Variants in PIWIL1 observed in about 807,000 individuals in gnomAD.
PIWIL1 encodes piwi like RNA-mediated gene silencing 1, also known as piwi-like protein 1.
A neutral mutation model predicts 114.4 loss-of-function variants in PIWIL1; 73 were observed. The ratio of observed to expected loss-of-function variants is 0.64; its 90% CI spans 0.53 to 0.78. PIWIL1 has a LOEUF of 0.78. Ranked by LOEUF, PIWIL1 falls within the 30% of genes least tolerant of loss-of-function variation. PIWIL1 has a pLI of 0.00. For synonymous variants in PIWIL1, 375 were observed against 369.0 expected (o/e 1.02, Z -0.19); for missense variants, 723 against 1,063.1 (o/e 0.68, Z 4.45).
chr12:130,364,619 C>T (rs1190688155), intron 18 of PIWIL1, among the ~76,000 whole-genome samples: 1 of 152,138 alleles, frequency 6.6e-6, no homozygotes, highest in Non-Finnish European at 1.5e-5. Flanking sequence ...TCCCTTAAGA[C>T]TCTTAATGCT....
the PIWIL1 span, among the ~76,000 whole-genome samples, chr12:130,409,332 CTTTTTTTTTTTTTTTT>C: frequency 4.6e-5 from 3 of 65,384 alleles, no homozygotes; most frequent in South Asian, 1.5e-3. Flanking sequence ...CAAAATGTAG[CTTTTTTTTTTTTTTTT>C]TTTTTTTTTT....
the PIWIL1 span, among the ~76,000 whole-genome samples, chr12:130,377,693 T>C: frequency 6.6e-6 from 1 of 152,232 alleles, no homozygotes; most frequent in Non-Finnish European, 1.5e-5. Flanking sequence ...ATAAATGCAA[T>C]GCCAGGGTGT....
At chr12:130,422,602 A>G in the PIWIL1 span, 1 of 1,405,442 alleles carries the variant, frequency 7.1e-7, no homozygotes, top group Non-Finnish European at 9.9e-7. This position sits in a 1 kb window ranked among gnomAD's most constrained non-coding sequence, Gnocchi z 5.2. Context: ...TCTCGCCAGC[A>G]TTGGGAACTG....
chr12:130,343,088 A>T lies in PIWIL1; in HGVS notation c.177A>T (p.Thr59=). 1 of 1,612,890 alleles carries T rather than the reference A, an allele frequency of 6.2e-7. No individual in the cohort carries two copies. The highest frequency in any genetic ancestry group is 8.5e-7 in the Non-Finnish European group (1 of 1,179,122). The part of the protein sequence containing the change: ...RGRQRGTAGG[T]AKSQGLQISA... ...GGCAGAGAGGAACAGCAGGAGGAACAGCCAAGTCACAAGGTGAAGAGAAAG... is the reference window on the plus strand; with the variant it reads ...GGCAGAGAGGAACAGCAGGAGGAACTGCCAAGTCACAAGGTGAAGAGAAAG... Residue 59 remains threonine, a synonymous_variant, in exon 3 of 21, where the codon ACA becomes ACT. Coordinates refer to ENST00000245255, the MANE Select transcript of PIWIL1 (RefSeq NM_004764.5).
the PIWIL1 span, among the ~76,000 whole-genome samples, chr12:130,391,031 C>T: frequency 1.5e-3 from 228 of 150,182 alleles, 1 homozygote; most frequent in Non-Finnish European, 1.1e-3. Flanking sequence ...CCGGGGCCCT[C>T]GCCCTCTTTC....
At chr12:130,377,012 G>A (rs2073871750), downstream of PIWIL1, among the ~76,000 whole-genome samples, 3 of 152,162 alleles carry the variant, frequency 2.0e-5, no homozygotes, top group Admixed American at 2.0e-4. Context: ...AATGGCACCA[G>A]CACAGGGAAG....
the PIWIL1 span, among the ~76,000 whole-genome samples, chr12:130,382,331 C>G: frequency 6.6e-6 from 1 of 152,210 alleles, no homozygotes; most frequent in Non-Finnish European, 1.5e-5. Context: ...CCGGAGTCGT[C>G]TAGCTGCCTC....
rs2242363 is a variant in PIWIL1 at position 130,362,844 on chromosome 12, A to G, written c.2041+8A>G. The G allele has an allele frequency of 0.67, 1,077,280 of 1,612,542 alleles. 365,648 individuals carry two copies. The highest frequency in any genetic ancestry group is 0.85 in the African/African-American group (63,466 of 74,984). ...TCAAAGTCTGCCTGCAAGGTTAGTC[A>G]CCTGTGGGGTTGCCATTCTACTCTC... On this transcript the variant is annotated splice_region_variant and intron_variant, in intron 17 of 20. Transcript: ENST00000245255.
chr12:130,389,817 T>C, the PIWIL1 span, among the ~76,000 whole-genome samples: 1 of 152,232 alleles, frequency 6.6e-6, no homozygotes, highest in East Asian at 1.9e-4. Flanking sequence ...TTAGTGTGTC[T>C]TTTCTCGTAT....
the PIWIL1 span, chr12:130,396,601 T>TAACA: frequency 6.6e-6 from 1 of 152,668 alleles, no homozygotes; most frequent in African/African-American, 2.4e-5. Flanking sequence ...ACAACGAAAG[T>TAACA]AACAGAAAAC....
the PIWIL1 span, among the ~76,000 whole-genome samples, chr12:130,385,383 T>C: frequency 6.6e-6 from 1 of 152,238 alleles, no homozygotes; most frequent in Non-Finnish European, 1.5e-5. Context: ...GTGGGTTTTT[T>C]AGACTTTGCT....
At chr12:130,347,537 G>A (rs1015543384) in intron 6 of PIWIL1, among the ~76,000 whole-genome samples, 1 of 152,184 alleles carries the variant, frequency 6.6e-6, no homozygotes. Context: ...TCTGGATAAG[G>A]CTGAAATTTT....
At chr12:130,398,938 T>C in the PIWIL1 span, 2 of 335,226 alleles carry the variant, frequency 6.0e-6, no homozygotes, top group Non-Finnish European at 1.1e-5. Flanking sequence ...ATTCAGTTGC[T>C]TTACAACTGA....
At chr12:130,378,768 T>C in the PIWIL1 span, among the ~76,000 whole-genome samples, 1 of 152,262 alleles carries the variant, frequency 6.6e-6, no homozygotes, top group Non-Finnish European at 1.5e-5. Flanking sequence ...TCTTCTTTTA[T>C]GAAATGTCTG....
At position 130,371,629 on chromosome 12, in the gene PIWIL1, T is replaced by C. The variant is rs753227986; in HGVS notation, c.*31T>C. Reference sequence around the variant, plus strand: ...AGAAGACGATGCAGCCGCTTTTCTTTTTGAAATGACTTTGGGATTTTTTTA... The same window carrying C: ...AGAAGACGATGCAGCCGCTTTTCTTCTTGAAATGACTTTGGGATTTTTTTA... On this transcript the variant is annotated 3_prime_UTR_variant, in exon 21 of 21. Coordinates refer to ENST00000245255, the MANE Select transcript of PIWIL1 (RefSeq NM_004764.5). 3 of 1,352,916 alleles carry C rather than the reference T, an allele frequency of 2.2e-6. No individual in the cohort carries two copies. In the East Asian group the frequency reaches 6.9e-5, roughly 31 times the overall value. The allele number at this position is 1,352,916 out of a possible 1,614,324, so 83.8% of individuals were successfully genotyped here. A position where few individuals can be genotyped will look rare whatever the true frequency, so the allele number is the denominator to read the frequency against.
Position 130,346,584 on chromosome 12 carries a change from G to T in PIWIL1, c.531G>T (p.Lys177Asn), listed in dbSNP as rs2073074970. 6.2e-7 allele frequency: 1 copy of T among 1,609,394 alleles called. No individual in the cohort carries two copies. The highest frequency in any genetic ancestry group is 8.5e-7 in the Non-Finnish European group (1 of 1,176,312). Residue 177 changes from lysine (K) to asparagine (N), a missense_variant and splice_region_variant, in exon 5 of 21, where the codon AAG (lysine) becomes AAT (asparagine). This residue lies in a region of PIWIL1 where 190 missense variants were observed against 294.4 expected (regional missense o/e 0.65). Transcript: ENST00000245255. ...ILFLPKRLQQ[K>N]VTEVFSKTRN... Reference sequence around the variant, plus strand: ...TTTTACCTAAAAGACTACAGCAAAAGGTTATTTGGGAAAAGGGAGATGGGG... The same window carrying T: ...TTTTACCTAAAAGACTACAGCAAAATGTTATTTGGGAAAAGGGAGATGGGG...
At chr12:130,339,199 G>GC (rs1349997165) in intron 1 of PIWIL1, among the ~76,000 whole-genome samples, 1 of 152,112 alleles carries the variant, frequency 6.6e-6, no homozygotes, top group Admixed American at 6.5e-5. Flanking sequence ...GCTCTGCGAG[G>GC]CCCGGGGGTC....
chr12:130,420,434 A>G, the PIWIL1 span, among the ~76,000 whole-genome samples: 3 of 152,214 alleles, frequency 2.0e-5, no homozygotes, highest in African/African-American at 7.2e-5. The surrounding 1 kb of genome is among the most constrained non-coding windows in gnomAD (Gnocchi z 4.3). Context: ...TCTTTCACCC[A>G]ATTTAACAAG....
At position 130,367,125 on chromosome 12, in the gene PIWIL1, T is replaced by C. The variant is rs373998237; in HGVS notation, c.2196-8T>C. The C allele has an allele frequency of 6.2e-6, 10 of 1,613,708 alleles. No homozygotes were observed. The South Asian group carries it at 8.8e-5, about 14-fold the overall frequency. ...CTAAATGCAGTTACATTCATCATCA[T>C]TTTTAAGCCCTAGACTAACGGTAAT... On this transcript the variant is annotated splice_region_variant and splice_polypyrimidine_tract_variant and intron_variant, in intron 18 of 20. Transcript: ENST00000245255.
Sources: gnomAD v4.1 joint callset for allele counts (sites outside exome capture counted in the v4.1 genomes callset) on GRCh38, gnomAD v4.1.1 for gene constraint, gnomAD v4.1.1 regional missense constraint, Gnocchi (gnomAD v3.1) non-coding constraint, MANE v1.5 for transcripts, NCBI Gene and HGNC (gene_info 2026-07-23, HGNC 2026-07-21) for gene names.